The following AKT1S1 variants were observed in gnomAD, a reference collection of about 807,000 sequenced individuals.
The protein encoded by AKT1S1 is proline-rich AKT1 substrate 1.
A neutral mutation model predicts 21.2 loss-of-function variants in AKT1S1; 17 were observed. That is an observed-to-expected ratio of 0.80 (90% confidence interval 0.55 to 1.20). The LOEUF (loss-of-function observed/expected upper bound fraction) is 1.20, where lower values mean the gene tolerates loss of function less well. Ranked by LOEUF, AKT1S1 falls within the 50% of genes most tolerant of loss-of-function variation. The probability of loss-of-function intolerance (pLI) is 0.00; values close to 1 mark genes in which losing one functional copy is unlikely to be tolerated. For missense variants in AKT1S1, 366 were observed against 368.3 expected, an observed-to-expected ratio of 0.99 and a Z score of 0.05; for synonymous variants, 181 against 165.6, an observed-to-expected ratio of 1.09 and a Z score of -0.72.
intron 1 of AKT1S1, chr19:49,876,658 C>T: frequency 1.3e-6 from 2 of 1,494,754 alleles, no homozygotes; most frequent in Admixed American, 2.3e-5. Flanking sequence ...AAAGACATGG[C>T]GGCGCCTTGC....
At chr19:49,877,023 A>G (rs905869436) in intron 1 of AKT1S1, 2 of 234,600 alleles carry the variant, frequency 8.5e-6, no homozygotes, top group African/African-American at 2.2e-5. Context: ...CCTCCCTCCA[A>G]CCTGCTCCCA....
At chr19:49,875,974 T>G (rs751299755) in intron 1 of AKT1S1, 47 of 985,192 alleles carry the variant, frequency 4.8e-5, no homozygotes, top group Non-Finnish European at 5.5e-5. Flanking sequence ...AGGGAGAGAT[T>G]AGAGGAAAGT....
chr19:49,876,909 C>G lies in AKT1S1; in HGVS notation c.-8+328G>C, dbSNP rs2074954266. On this transcript the variant is annotated intron_variant, in intron 1 of 4. Coordinates refer to ENST00000344175, the MANE Select transcript of AKT1S1 (RefSeq NM_001098633.4). ...AACGAAGGCAAGCGACCTGACGTCC[C>G]TGACCCACAATAAACTTCTTCGACA... is the stretch of plus-strand genomic sequence containing the variant. The G allele has an allele frequency of 1.2e-5, 5 of 416,410 alleles. No individual in the cohort carries two copies. The East Asian group carries it at 1.8e-4, about 15-fold the overall frequency. 25.8% of individuals were successfully genotyped at this position (416,410 alleles called of 1,614,324 possible). A position where few individuals can be genotyped will look rare whatever the true frequency, so the allele number is the denominator to read the frequency against.
At chr19:49,877,843 C>T (rs746410998), upstream of AKT1S1, 5 of 1,413,678 alleles carry the variant, frequency 3.5e-6, no homozygotes, top group Non-Finnish European at 4.8e-6. Context: ...GAATCCGGCA[C>T]GGCCTTGGCA....
intron 4 of AKT1S1, among the ~76,000 whole-genome samples, chr19:49,871,328 G>A (rs1045551742): frequency 5.3e-5 from 8 of 152,180 alleles, no homozygotes; most frequent in African/African-American, 1.7e-4. Context: ...AGACGCTCCT[G>A]GAAAGGAGAG....
At position 49,873,387 on chromosome 19, in the gene AKT1S1, G is replaced by C. The variant is rs2074908272; in HGVS notation, c.-7-85C>G. The C allele has an allele frequency of 1.5e-6, 2 of 1,370,678 alleles. No individual in the cohort carries two copies. Among genetic ancestry groups the C allele is most frequent in the African/African-American group, 3.1e-5 (2 of 64,742 alleles). The allele number at this position is 1,370,678 out of a possible 1,614,324, so 84.9% of individuals were successfully genotyped here. A position where few individuals can be genotyped will look rare whatever the true frequency, so the allele number is the denominator to read the frequency against. The stretch of plus-strand genomic sequence containing the variant: ...ACTCAGAGTGCCCGCCCGTCCCCTG[G>C]ATGGCACTCACCACCCTCCACCCAC... On this transcript the variant is annotated intron_variant, in intron 1 of 4. Coordinates refer to ENST00000344175, the MANE Select transcript of AKT1S1 (RefSeq NM_001098633.4). The surrounding 1 kb of genome is among the most constrained non-coding windows in gnomAD (Gnocchi z 6.9).
intron 4 of AKT1S1, among the ~76,000 whole-genome samples, chr19:49,870,372 G>A (rs996460262): frequency 2.0e-5 from 3 of 152,170 alleles, no homozygotes; most frequent in African/African-American, 7.2e-5. Flanking sequence ...TGAGTGCACC[G>A]TCTCATGTCT....
upstream of AKT1S1, chr19:49,877,917 A>G (rs1196467823): frequency 2.4e-6 from 2 of 834,994 alleles, no homozygotes; most frequent in South Asian, 1.8e-5. Flanking sequence ...AGAACCTCCC[A>G]TGGCCCCGCC....
In AKT1S1 at chr19:49,873,336, C is replaced by A; in HGVS notation, c.-7-34G>T. On this transcript the variant is annotated intron_variant, in intron 1 of 4. Transcript: ENST00000344175. The surrounding 1 kb of genome is among the most constrained non-coding windows in gnomAD (Gnocchi z 6.9). ...CAGAGCAGGACAGAGGGGGCTGAGG[C>A]TTGGCGGCCTACATCATCGCCACCC... 7.1e-7 allele frequency: 1 copy of A among 1,409,636 alleles called. No homozygotes were observed. 87.3% of individuals were successfully genotyped at this position (1,409,636 alleles called of 1,614,324 possible).
intron 1 of AKT1S1, chr19:49,874,274 T>C (rs1438003618): frequency 2.0e-5 from 3 of 152,324 alleles, no homozygotes; most frequent in Non-Finnish European, 4.4e-5. Flanking sequence ...GCACACTTCC[T>C]TCCAGAGGGA....
chr19:49,873,184 G>T lies in AKT1S1; in HGVS notation c.112C>A (p.Pro38Thr). 1 of 1,532,112 alleles carries T rather than the reference G, an allele frequency of 6.5e-7. No individual in the cohort carries two copies. Among genetic ancestry groups the T allele is most frequent in the Non-Finnish European group, 8.7e-7 (1 of 1,146,368 alleles). The allele number at this position is 1,532,112 out of a possible 1,614,324, so 94.9% of individuals were successfully genotyped here. A position where few individuals can be genotyped will look rare whatever the true frequency, so the allele number is the denominator to read the frequency against. ...TAGGCACAGGGGCCCGGGCGGGGTG[G>T]TGGCGGCGGGGCCGCGGTCAGCAGC... ...LVLLTAAPPP[P>T]PRPGPCAYAA... Residue 38 changes from proline (P) to threonine (T), a missense_variant, in exon 2 of 5, where the codon CCA (proline) becomes ACA (threonine). Coordinates refer to ENST00000344175, the MANE Select transcript of AKT1S1 (RefSeq NM_001098633.4). The surrounding 1 kb of genome is among the most constrained non-coding windows in gnomAD (Gnocchi z 6.9).
chr19:49,874,002 T>A (rs1269645058), intron 1 of AKT1S1: 4 of 152,294 alleles, frequency 2.6e-5, no homozygotes, highest in African/African-American at 9.7e-5. Context: ...ATGCTACTCC[T>A]CGCCATAGTC....
At chr19:49,874,444 G>A (rs2074918922) in intron 1 of AKT1S1, 1 of 152,234 alleles carries the variant, frequency 6.6e-6, no homozygotes, top group African/African-American at 2.4e-5. Flanking sequence ...GACTTCAGGA[G>A]CCCATCCGAT....
chr19:49,877,682 G>A (rs2074966083), upstream of AKT1S1: 1 of 1,593,188 alleles, frequency 6.3e-7, no homozygotes, highest in South Asian at 1.1e-5. Context: ...ACGCTGACTA[G>A]GAAAAGGAGG....
Position 49,873,777 on chromosome 19 carries a change from G to A in AKT1S1, c.-7-475C>T, listed in dbSNP as rs1447182487. ...GAGGCCGAGGCAGGCGGATCACCGA[G>A]CCCAAGAGTTCGAAGCCAGCCTGGG... is the stretch of plus-strand genomic sequence containing the variant. On this transcript the variant is annotated intron_variant, in intron 1 of 4. Transcript: ENST00000344175. This position sits in a 1 kb window ranked among gnomAD's most constrained non-coding sequence, Gnocchi z 6.9. 6.8e-6 allele frequency: 1 copy of A among 147,332 alleles called. No individual in the cohort carries two copies. Among genetic ancestry groups the A allele is most frequent in the Non-Finnish European group, 1.4e-5 (1 of 70,580 alleles). 9.1% of individuals were successfully genotyped at this position (147,332 alleles called of 1,614,324 possible). A position where few individuals can be genotyped will look rare whatever the true frequency, so the allele number is the denominator to read the frequency against.
intron 2 of AKT1S1, 140 bp downstream of exon 2, chr19:49,872,777 G>A (rs1217091760): frequency 9.4e-7 from 1 of 1,066,946 alleles, no homozygotes; most frequent in East Asian, 2.6e-5. Context: ...GCAAGCCCCA[G>A]GCAAGCCTGT....
chr19:49,871,992 C>T, intron 2 of AKT1S1, 103 bp from the exon 3 acceptor site: 3 of 1,179,652 alleles, frequency 2.5e-6, no homozygotes, highest in Non-Finnish European at 3.7e-6. Context: ...CCACCTCCAC[C>T]TCCCTGAAGC....
rs1295037212 is a variant in AKT1S1 at position 49,873,568 on chromosome 19, T to C, written c.-7-266A>G. 1.9e-6 allele frequency: 1 copy of C among 530,360 alleles called. No individual in the cohort carries two copies. 32.9% of individuals were successfully genotyped at this position (530,360 alleles called of 1,614,324 possible). ...TACTCCTTCCCCTTTGGCCCTGCCC[T>C]GGCCTCTGTGGGAGCCGCCAGCCAC... On this transcript the variant is annotated intron_variant, in intron 1 of 4. Coordinates refer to ENST00000344175, the MANE Select transcript of AKT1S1 (RefSeq NM_001098633.4). This position sits in a 1 kb window ranked among gnomAD's most constrained non-coding sequence, Gnocchi z 6.9.
upstream of AKT1S1, chr19:49,877,588 T>C: frequency 1.1e-6 from 1 of 903,254 alleles, no homozygotes; most frequent in South Asian, 1.8e-5. Flanking sequence ...TGAAAAATGG[T>C]TTCACCCGCT....
Sources: allele counts gnomAD v4.1 joint callset (sites outside exome capture counted in the v4.1 genomes callset), GRCh38; gene constraint gnomAD v4.1.1; non-coding constraint Gnocchi (gnomAD v3.1); transcripts MANE v1.5; gene names NCBI Gene and HGNC (gene_info 2026-07-23, HGNC 2026-07-21).